PBX3: variants seen among roughly 807,000 people sequenced by gnomAD.
PBX3 encodes the protein PBX homeobox 3, also known as pre-B-cell leukemia transcription factor 3.
In PBX3, 14 loss-of-function variants were observed where a neutral mutation model predicts 48.5. The observed-to-expected ratio is 0.29, with a 90% CI of 0.19 to 0.45. PBX3 has a LOEUF of 0.45. PBX3 is among the 20% of genes least tolerant of loss of function. The pLI, the probability that PBX3 is intolerant of heterozygous loss-of-function variation, is 1.00. For missense variants in PBX3, 386 were observed against 546.7 expected (o/e 0.71, Z 2.93); for synonymous variants, 210 against 200.3 (o/e 1.05, Z -0.41).
intron 2 of PBX3, among the ~76,000 whole-genome samples, chr9:125,891,565 A>G (rs1433401446): frequency 6.6e-6 from 1 of 152,234 alleles, no homozygotes; most frequent in African/African-American, 2.4e-5. Flanking sequence ...ATGTTTATAG[A>G]GTTAATTTTT....
intron 2 of PBX3, among the ~76,000 whole-genome samples, chr9:125,830,026 C>T (rs914635664): frequency 2.6e-5 from 4 of 152,106 alleles, no homozygotes; most frequent in Non-Finnish European, 4.4e-5. Context: ...GGCAGTGTCT[C>T]GCGTCACTGT....
At chr9:125,802,284 C>T (rs1447249811) in intron 2 of PBX3, among the ~76,000 whole-genome samples, 3 of 150,034 alleles carry the variant, frequency 2.0e-5, no homozygotes, top group Non-Finnish European at 4.4e-5. Flanking sequence ...TCTAGTAGTC[C>T]CTAGTGTCTG....
chr9:125,792,127 T>G (rs746143554), intron 2 of PBX3, among the ~76,000 whole-genome samples: 8 of 152,012 alleles, frequency 5.3e-5, no homozygotes, highest in African/African-American at 1.9e-4. Flanking sequence ...TAGACTCTTA[T>G]ACTAGAATCC....
chr9:125,928,511 G>A (rs1453914312), intron 3 of PBX3, among the ~76,000 whole-genome samples: 1 of 150,948 alleles, frequency 6.6e-6, no homozygotes, highest in South Asian at 2.1e-4. Flanking sequence ...TGTTGCCCAG[G>A]CTGGAGTGCA....
intron 2 of PBX3, among the ~76,000 whole-genome samples, chr9:125,785,524 T>C (rs189730311): frequency 6.4e-4 from 98 of 152,360 alleles, no homozygotes; most frequent in Non-Finnish European, 1.1e-3. Context: ...TCTGGGCCTT[T>C]GGTCACAGAC....
At chr9:125,808,266 C>T (rs1041778132) in intron 2 of PBX3, among the ~76,000 whole-genome samples, 4 of 152,154 alleles carry the variant, frequency 2.6e-5, no homozygotes, top group Admixed American at 2.0e-4. Flanking sequence ...AAATGTGGGA[C>T]TGACAGCATC....
chr9:125,947,899 A>G (rs1000027756), intron 5 of PBX3, among the ~76,000 whole-genome samples: 3 of 152,260 alleles, frequency 2.0e-5, no homozygotes, highest in East Asian at 1.9e-4. Context: ...CTCAAAAAAC[A>G]TAAAGCAAAA....
intron 2 of PBX3, among the ~76,000 whole-genome samples, chr9:125,802,277 AG>A (rs1028323540): frequency 1.4e-5 from 2 of 138,168 alleles, no homozygotes; most frequent in Non-Finnish European, 3.1e-5. Flanking sequence ...ACCCCTCTCT[AG>A]TAGTCCCTAG....
At chr9:125,867,041 A>G (rs1464649227) in intron 2 of PBX3, among the ~76,000 whole-genome samples, 7 of 152,162 alleles carry the variant, frequency 4.6e-5, no homozygotes, top group African/African-American at 1.7e-4. Flanking sequence ...GTCTTGTGAC[A>G]TCTGTTAGTA....
At chr9:125,945,993 ATTTAAGCAGGGC>A (rs970813477) in intron 5 of PBX3, among the ~76,000 whole-genome samples, 4 of 152,210 alleles carry the variant, frequency 2.6e-5, no homozygotes, top group African/African-American at 9.6e-5. Flanking sequence ...GAGGCTGAGA[ATTTAAGCAGGGC>A]TTTAGACCCC....
At chr9:125,758,948 C>T (rs568503481) in intron 2 of PBX3, among the ~76,000 whole-genome samples, 2 of 152,202 alleles carry the variant, frequency 1.3e-5, no homozygotes, top group East Asian at 1.9e-4. Flanking sequence ...TTTTAATTCT[C>T]AATTTGCATA....
At chr9:125,878,133 A>C (rs1840299179) in intron 2 of PBX3, among the ~76,000 whole-genome samples, 1 of 152,192 alleles carries the variant, frequency 6.6e-6, no homozygotes, top group Non-Finnish European at 1.5e-5. Flanking sequence ...TCTTTTATCA[A>C]AGGTTGACTA....
At chr9:125,831,027 CA>C (rs2132191224) in intron 2 of PBX3, among the ~76,000 whole-genome samples, 1 of 152,288 alleles carries the variant, frequency 6.6e-6, no homozygotes, top group East Asian at 1.9e-4. Context: ...TCCTGCCCCC[CA>C]CCTGTCCTTT....
intron 2 of PBX3, among the ~76,000 whole-genome samples, chr9:125,871,343 T>C (rs1320198968): frequency 6.8e-6 from 1 of 146,086 alleles, no homozygotes; most frequent in African/African-American, 2.5e-5. Flanking sequence ...ATTGCGCCAC[T>C]GCACTCCAGT....
At chr9:125,776,838 C>T (rs1266106078) in intron 2 of PBX3, among the ~76,000 whole-genome samples, 1 of 152,088 alleles carries the variant, frequency 6.6e-6, no homozygotes, top group East Asian at 1.9e-4. Context: ...GCCACTGTGC[C>T]TGGTCTGCAT....
Position 125,960,722 on chromosome 9 carries a change from G to A in PBX3, c.882G>A (p.Lys294=). Reference sequence around the variant, plus strand: ...TTGGCAACAAACGAATCAGGTACAAGAAGAACATTGGCAAGTTTCAGGAAG... The same window carrying A: ...TTGGCAACAAACGAATCAGGTACAAAAAGAACATTGGCAAGTTTCAGGAAG... ...NWFGNKRIRY[K]KNIGKFQEEA... is the part of the protein sequence containing the mutation. Residue 294 remains lysine (K), a synonymous_variant, in exon 6 of 9, where the codon AAG becomes AAA. Coordinates refer to ENST00000373489, the MANE Select transcript of PBX3 (RefSeq NM_006195.6). 1 of 1,614,206 alleles carries A rather than the reference G, an allele frequency of 6.2e-7. No homozygotes were observed. The highest frequency in any genetic ancestry group is 8.5e-7 in the Non-Finnish European group (1 of 1,180,032).
intron 2 of PBX3, among the ~76,000 whole-genome samples, chr9:125,750,003 A>G (rs529655223): frequency 2.6e-5 from 4 of 152,290 alleles, no homozygotes; most frequent in South Asian, 2.1e-4. Context: ...ATTTTTAGCT[A>G]CCTTTAGAAA....
intron 2 of PBX3, among the ~76,000 whole-genome samples, chr9:125,857,363 T>C (rs996422020): frequency 3.3e-5 from 5 of 152,130 alleles, no homozygotes; most frequent in African/African-American, 1.2e-4. Context: ...ACAAGAAGTT[T>C]TGGATTTTGG....
chr9:125,769,925 T>C (rs1305014626), intron 2 of PBX3, among the ~76,000 whole-genome samples: 1 of 152,234 alleles, frequency 6.6e-6, no homozygotes, highest in Non-Finnish European at 1.5e-5. Flanking sequence ...TAACCACTTA[T>C]TAATTTATTT....
Sources: allele counts gnomAD v4.1 joint callset (sites outside exome capture counted in the v4.1 genomes callset), GRCh38; gene constraint gnomAD v4.1.1; transcripts MANE v1.5; gene names NCBI Gene and HGNC (gene_info 2026-07-23, HGNC 2026-07-21).